Variants in PRDM1 observed in about 807,000 individuals in gnomAD.
The protein encoded by PRDM1 is PR domain zinc finger protein 1.
Under a neutral mutation model 62.8 loss-of-function variants are expected in PRDM1, and 13 were observed. That is an observed-to-expected ratio of 0.21 (90% CI 0.13 to 0.33). PRDM1 has a LOEUF of 0.33. Among genes scored for constraint, PRDM1 ranks in the 10% least tolerant of loss-of-function variants. The pLI is 1.00. For missense variants in PRDM1, 895 were observed against 1,058.8 expected (o/e 0.85, Z 2.15); for synonymous variants, 396 against 417.6 (o/e 0.95, Z 0.63).
At chr6:106,058,867 G>T (rs898778412) in intron 1 of PRDM1, among the ~76,000 whole-genome samples, 7 of 152,142 alleles carry the variant, frequency 4.6e-5, no homozygotes, top group Admixed American at 6.5e-5. Flanking sequence ...ACTGCGCCTG[G>T]CCACCAGCAT....
intron 1 of PRDM1, among the ~76,000 whole-genome samples, chr6:106,010,660 T>G (rs1772533851): frequency 6.6e-6 from 1 of 152,156 alleles, no homozygotes; most frequent in Non-Finnish European, 1.5e-5. Flanking sequence ...AAAGTTCTAG[T>G]TTTAAGGTCA....
intron 1 of PRDM1, among the ~76,000 whole-genome samples, chr6:106,055,396 G>C (rs1327631592): frequency 6.6e-6 from 1 of 152,110 alleles, no homozygotes; most frequent in Non-Finnish European, 1.5e-5. Context: ...TCGGATCAGG[G>C]CCTAGCATGT....
intron 3 of PRDM1, among the ~76,000 whole-genome samples, chr6:106,097,473 A>G (rs1161669797): frequency 2.0e-5 from 3 of 152,262 alleles, no homozygotes; most frequent in Non-Finnish European, 4.4e-5. Context: ...TGGCAGGAAT[A>G]TGAACATCTG....
At chr6:106,087,471 C>G (rs1229710962) in intron 1 of PRDM1, 1 of 232,140 alleles carries the variant, frequency 4.3e-6, no homozygotes, top group Non-Finnish European at 8.5e-6. Context: ...GCTTGCAAGT[C>G]AGAAGACACT....
chr6:106,017,845 A>G (rs1257925811), intron 1 of PRDM1, among the ~76,000 whole-genome samples: 3 of 152,166 alleles, frequency 2.0e-5, no homozygotes, highest in African/African-American at 7.2e-5. Context: ...TTGAATGAGA[A>G]ATAAAGCCTG....
At chr6:106,095,833 C>A in intron 3 of PRDM1, 99 bp downstream of exon 3, 1 of 1,325,150 alleles carries the variant, frequency 7.5e-7, no homozygotes, top group South Asian at 1.3e-5. Context: ...CTGAGAAATG[C>A]TGGGGCTCAC....
intron 1 of PRDM1, among the ~76,000 whole-genome samples, chr6:106,054,326 A>C (rs1286211942): frequency 6.7e-6 from 1 of 149,830 alleles, no homozygotes; most frequent in African/African-American, 2.6e-5. Context: ...AAAGCATTTA[A>C]AAATCTTTTG....
At chr6:105,998,260 G>T (rs1772373441) in intron 1 of PRDM1, among the ~76,000 whole-genome samples, 1 of 152,058 alleles carries the variant, frequency 6.6e-6, no homozygotes, top group Non-Finnish European at 1.5e-5. Context: ...TTAATTGAAA[G>T]GATACTTTAA....
intron 1 of PRDM1, among the ~76,000 whole-genome samples, chr6:105,998,919 ATATATATATATATATTTTTT>A (rs1772389927): frequency 2.1e-4 from 1 of 4,792 alleles, no homozygotes; most frequent in African/African-American, 4.2e-4. Flanking sequence ...ATATATATAT[ATATATATATATATATTTTTT>A]TTTTTTTTTT....
intron 1 of PRDM1, among the ~76,000 whole-genome samples, chr6:106,038,014 C>CTTTTTTTGTTTTTTTTTTTTTTT (rs1772945145): frequency 2.1e-5 from 1 of 47,800 alleles, no homozygotes; most frequent in Non-Finnish European, 3.5e-5. Context: ...CTATTTTTGT[C>CTTTTTTTGTTTTTTTTTTTTTTT]TTTTTTTTTT....
chr6:106,072,033 A>C (rs1415234258), intron 1 of PRDM1: 2 of 152,164 alleles, frequency 1.3e-5, no homozygotes, highest in Non-Finnish European at 2.9e-5. Flanking sequence ...CTGTGCAGCA[A>C]AGTTTGGGGA....
At position 106,099,450 on chromosome 6, in the gene PRDM1, A is replaced by G. The variant is rs151324489; in HGVS notation, c.562A>G (p.Lys188Glu). 3.8e-4 allele frequency: 608 copies of G among 1,614,204 alleles called. 4 individuals carry two copies. The highest frequency in any genetic ancestry group is 3.3e-3 in the Middle Eastern group (20 of 6,062). The stretch of plus-strand genomic sequence containing the variant: ...GATGAACATCTACTTCTACACCATT[A>G]AGCCCATCCCTGCCAACCAGGAACT... Reference protein sequence around the residue: ...NGMNIYFYTIKPIPANQELLV... With the variant: ...NGMNIYFYTIEPIPANQELLV... The change falls in exon 4 of 7, where the codon AAG becomes GAG. Residue 188 changes from lysine to glutamate, a missense_variant. Lys to Glu is a moderately conservative substitution (Grantham distance 56). Coordinates refer to ENST00000369096, the MANE Select transcript of PRDM1 (RefSeq NM_001198.4).
chr6:106,007,275 C>A (rs1479947816), intron 1 of PRDM1, among the ~76,000 whole-genome samples: 3 of 151,710 alleles, frequency 2.0e-5, no homozygotes, highest in Non-Finnish European at 4.4e-5. Context: ...ACTAAAAATA[C>A]AAAAATTAGC....
intron 3 of PRDM1, chr6:106,098,507 T>A: frequency 8.2e-7 from 1 of 1,223,906 alleles, no homozygotes; most frequent in African/African-American, 1.6e-5. Flanking sequence ...CACACGCCTA[T>A]GGCTCTGTGT....
At chr6:106,026,393 C>T (rs1237431007) in intron 1 of PRDM1, among the ~76,000 whole-genome samples, 2 of 152,052 alleles carry the variant, frequency 1.3e-5, no homozygotes, top group Non-Finnish European at 2.9e-5. Context: ...GCAGGAGAAT[C>T]GCTTGAACCC....
At chr6:106,005,092 T>G (rs1465258786) in intron 1 of PRDM1, among the ~76,000 whole-genome samples, 1 of 152,234 alleles carries the variant, frequency 6.6e-6, no homozygotes, top group African/African-American at 2.4e-5. Context: ...GCTGAAAGAA[T>G]GACACATTCA....
chr6:106,003,404 C>T (rs1772450101), intron 1 of PRDM1, among the ~76,000 whole-genome samples: 1 of 152,112 alleles, frequency 6.6e-6, no homozygotes, highest in African/African-American at 2.4e-5. Flanking sequence ...AGAGGCTTCA[C>T]TCACAGACTG....
chr6:106,100,561 G>A (rs1774237931), intron 4 of PRDM1: 1 of 152,130 alleles, frequency 6.6e-6, no homozygotes, highest in Non-Finnish European at 1.5e-5. Context: ...TCACCTTTGA[G>A]ACATTTGGAA....
intron 2 of PRDM1, among the ~76,000 whole-genome samples, chr6:106,090,374 C>T (rs1350386856): frequency 6.6e-6 from 1 of 152,170 alleles, no homozygotes; most frequent in East Asian, 1.9e-4. Flanking sequence ...GTTCTCTTAT[C>T]CTATTTCCCT....
Sources: gnomAD v4.1 joint callset for allele counts (sites outside exome capture counted in the v4.1 genomes callset) on GRCh38, gnomAD v4.1.1 for gene constraint, MANE v1.5 for transcripts, NCBI Gene and HGNC (gene_info 2026-07-23, HGNC 2026-07-21) for gene names.